The following UGT1A4 variants were observed in gnomAD, a reference collection of about 807,000 sequenced individuals.
UGT1A4 encodes UDP glucuronosyltransferase family 1 member A4, also known as UDP-glucuronosyltransferase 1A4.
Under a neutral mutation model 41.1 loss-of-function variants are expected in UGT1A4, and 32 were observed. The observed-to-expected ratio is 0.78, with a 90% CI of 0.59 to 1.05. The LOEUF is 1.05. Among genes scored for constraint, UGT1A4 ranks in the 50% least tolerant of loss-of-function variants. The pLI, the probability that UGT1A4 is intolerant of heterozygous loss-of-function variation, is 0.00. For missense variants in UGT1A4, 748 were observed against 677.4 expected (o/e 1.10, Z -1.16); for synonymous variants, 283 against 265.1 (o/e 1.07, Z -0.66).
In UGT1A4 at chr2:233,719,298, G is replaced by A. The variant is rs1399021133; in HGVS notation, c.478G>A (p.Val160Met). ...LTDPVNLCGA[V>M]LAKYLSIPAV... ...AGACCCCGTTAACCTCTGTGGGGCG[G>A]TGCTGGCTAAGTACCTGTCGATTCC... Residue 160 changes from valine to methionine, a missense_variant, in exon 1 of 5, where the codon GTG (valine) becomes ATG (methionine). Coordinates refer to ENST00000373409, the MANE Select transcript of UGT1A4 (RefSeq NM_007120.3). 1.9e-6 allele frequency: 3 copies of A among 1,613,874 alleles called. No homozygotes were observed. The highest frequency in any genetic ancestry group is 2.5e-6 in the Non-Finnish European group (3 of 1,179,936).
In UGT1A4 at chr2:233,719,573, T is replaced by C. The variant is rs2076782711; in HGVS notation, c.753T>C (p.Tyr251=). The C allele has an allele frequency of 1.9e-6, 3 of 1,613,994 alleles. No homozygotes were observed. The highest frequency in any genetic ancestry group is 2.5e-6 in the Non-Finnish European group (3 of 1,179,892). ...TGTCAGTGGTGGATCTTGTCAGCTA[T>C]GCATCCGTGTGGCTGTTCCGAGGGG... The part of the protein sequence containing the change: ...REVSVVDLVS[Y]ASVWLFRGDF... Residue 251 remains tyrosine, a synonymous_variant, in exon 1 of 5, where the codon TAT becomes TAC. Transcript: ENST00000373409.
At position 233,767,163 on chromosome 2, in the gene UGT1A4, A is replaced by C; in HGVS notation, c.997A>C (p.Thr333Pro). ...TGATGCTTTGGGCAAAATCCCTCAG[A>C]CAGTAAGAAGATTCTATACCATGGC... is the stretch of plus-strand genomic sequence containing the variant. Reference protein sequence around the residue: ...IADALGKIPQTVLWRYTGTRP... With the variant: ...IADALGKIPQPVLWRYTGTRP... Residue 333 changes from threonine (T) to proline (P), a missense_variant and splice_region_variant, in exon 2 of 5, where the codon ACA becomes CCA. Thr to Pro is a conservative substitution (Grantham distance 38). Coordinates refer to ENST00000373409, the MANE Select transcript of UGT1A4 (RefSeq NM_007120.3). The C allele has an allele frequency of 6.2e-7, 1 of 1,614,100 alleles. No individual in the cohort carries two copies. The highest frequency in any genetic ancestry group is 8.5e-7 in the Non-Finnish European group (1 of 1,180,006).
At chr2:233,741,369 G>A (rs190389633) in intron 1 of UGT1A4, among the ~76,000 whole-genome samples, 1 of 151,798 alleles carries the variant, frequency 6.6e-6, no homozygotes, top group East Asian at 1.9e-4. Context: ...CAATGAAACT[G>A]CCCATGCCTT....
chr2:233,763,369 C>A (rs1698291426), intron 1 of UGT1A4, among the ~76,000 whole-genome samples: 1 of 152,194 alleles, frequency 6.6e-6, no homozygotes. Flanking sequence ...CCTTTGTCTT[C>A]AAGCTTTCTT....
At chr2:233,768,494 T>A in intron 4 of UGT1A4, 55 bp downstream of exon 4, 1 of 1,575,098 alleles carries the variant, frequency 6.3e-7, no homozygotes, top group Non-Finnish European at 8.6e-7. Context: ...GATAAAATTG[T>A]TTCAAATATG....
At chr2:233,761,273 T>A (rs748388612) in intron 1 of UGT1A4, 95 of 1,579,546 alleles carry the variant, frequency 6.0e-5, no homozygotes, top group Non-Finnish European at 8.1e-5. Context: ...ATGCCCTCTT[T>A]TGTTAATTTT....
Position 233,772,833 on chromosome 2 carries a change from T to G in UGT1A4, c.*274T>G. 1.1e-6 allele frequency: 1 copy of G among 879,514 alleles called. No individual in the cohort carries two copies. Among genetic ancestry groups the G allele is most frequent in the Non-Finnish European group, 1.6e-6 (1 of 630,666 alleles). 54.5% of individuals were successfully genotyped at this position (879,514 alleles called of 1,614,324 possible). A position where few individuals can be genotyped will look rare whatever the true frequency, so the allele number is the denominator to read the frequency against. ...AGGACGTGCAGACAGGCTGGCATTCTAGATTACTTTTCTTACTCTGAAACA... is the reference window on the plus strand; with the variant it reads ...AGGACGTGCAGACAGGCTGGCATTCGAGATTACTTTTCTTACTCTGAAACA... On this transcript the variant is annotated 3_prime_UTR_variant, in exon 5 of 5. Transcript: ENST00000373409.
rs1413528689 is a variant in UGT1A4, at chr2:233,768,429, A to G, written c.1297A>G (p.Asn433Asp). Residue 433 changes from asparagine to aspartate, a missense_variant, in exon 4 of 5, where the codon AAT becomes GAT. By Grantham distance (23) the Asn-to-Asp change is conservative. Transcript: ENST00000373409. Reference protein sequence around the residue: ...DLENALKAVINDKSYKENIMR... With the variant: ...DLENALKAVIDDKSYKENIMR... ...AGAAAATGCTCTAAAAGCAGTCATC[A>G]ATGACAAAAGGTAAGAAAGAAGATA... is the stretch of plus-strand genomic sequence containing the variant. The G allele has an allele frequency of 6.8e-6, 11 of 1,614,042 alleles. No homozygotes were observed. The highest frequency in any genetic ancestry group is 9.3e-6 in the Non-Finnish European group (11 of 1,179,964).
chr2:233,758,140 G>T (rs572849917), intron 1 of UGT1A4, among the ~76,000 whole-genome samples: 1 of 152,274 alleles, frequency 6.6e-6, no homozygotes, highest in East Asian at 1.9e-4. Context: ...GGCAGATGAG[G>T]GAATTAGCAA....
chr2:233,751,417 C>CT, intron 1 of UGT1A4, among the ~76,000 whole-genome samples: 1 of 152,082 alleles, frequency 6.6e-6, no homozygotes, highest in East Asian at 1.9e-4. Flanking sequence ...GACTTTTGAG[C>CT]TAGTGCTGAA....
At position 233,772,792 on chromosome 2, in the gene UGT1A4, A is replaced by C; in HGVS notation, c.*233A>C. 2.5e-6 allele frequency: 3 copies of C among 1,219,898 alleles called. No individual in the cohort carries two copies. Among genetic ancestry groups the C allele is most frequent in the Non-Finnish European group, 3.3e-6 (3 of 917,948 alleles). The allele number at this position is 1,219,898 out of a possible 1,614,324, so 75.6% of individuals were successfully genotyped here. On this transcript the variant is annotated 3_prime_UTR_variant, in exon 5 of 5. Transcript: ENST00000373409. ...CTCTGGTGTCTTTGATCAGGATGAC[A>C]TGTGCCATTTTTCAGAGGACGTGCA...
intron 1 of UGT1A4, among the ~76,000 whole-genome samples, chr2:233,762,131 A>T (rs1026156979): frequency 6.6e-6 from 1 of 152,036 alleles, no homozygotes; most frequent in East Asian, 1.9e-4. Context: ...CCATGTGGGG[A>T]CCTGTGTGAC....
intron 1 of UGT1A4, chr2:233,743,518 C>A: frequency 1.5e-6 from 2 of 1,367,324 alleles, no homozygotes; most frequent in Non-Finnish European, 9.8e-7. Flanking sequence ...CGCTCTGCTT[C>A]TGCTTCCCCA....
rs375883067 is a variant in UGT1A4 at position 233,767,172 on chromosome 2, A to C, written c.999+7A>C. ...GGGCAAAATCCCTCAGACAGTAAGA[A>C]GATTCTATACCATGGCCTCATATCT... On this transcript the variant is annotated splice_region_variant and intron_variant, in intron 2 of 4. Coordinates refer to ENST00000373409, the MANE Select transcript of UGT1A4 (RefSeq NM_007120.3). 4 of 1,613,980 alleles carry C rather than the reference A, an allele frequency of 2.5e-6. No individual in the cohort carries two copies. In the African/African-American group the frequency reaches 5.3e-5, roughly 22 times the overall value.
chr2:233,729,531 G>A (rs757870746), intron 1 of UGT1A4: 11 of 1,614,140 alleles, frequency 6.8e-6, no homozygotes, highest in Non-Finnish European at 9.3e-6. Context: ...TACATAATGA[G>A]GCCCTGATCA....
intron 1 of UGT1A4, chr2:233,743,739 T>C (rs377618743): frequency 7.3e-7 from 1 of 1,367,366 alleles, no homozygotes; most frequent in African/African-American, 1.5e-5. Flanking sequence ...TCGCGTTTCT[T>C]GGCGTCCGAC....
At chr2:233,756,198 G>C (rs1023408746) in intron 1 of UGT1A4, 1 of 152,220 alleles carries the variant, frequency 6.6e-6, no homozygotes, top group Non-Finnish European at 1.5e-5. Flanking sequence ...TAGCAGAGTA[G>C]TCCCTGGTAT....
intron 1 of UGT1A4, chr2:233,743,796 C>T (rs774777752): frequency 7.3e-7 from 1 of 1,367,346 alleles, no homozygotes; most frequent in South Asian, 1.1e-5. Flanking sequence ...CTCTCCGCTT[C>T]CTCCTTGTTC....
chr2:233,751,386 C>T (rs1694713563), intron 1 of UGT1A4, among the ~76,000 whole-genome samples: 1 of 152,086 alleles, frequency 6.6e-6, no homozygotes, highest in African/African-American at 2.4e-5. Flanking sequence ...TGCCTTGTCT[C>T]AGATAAGACT....
Sources: gnomAD v4.1 joint callset for allele counts (sites outside exome capture counted in the v4.1 genomes callset) on GRCh38, gnomAD v4.1.1 for gene constraint, MANE v1.5 for transcripts, NCBI Gene and HGNC (gene_info 2026-07-23, HGNC 2026-07-21) for gene names.